ASH1L: variants seen among roughly 807,000 people sequenced by gnomAD.
ASH1L encodes the protein histone-lysine N-methyltransferase ASH1L.
Under a neutral mutation model 269.0 loss-of-function variants are expected in ASH1L, and 23 were observed. The ratio of observed to expected loss-of-function variants is 0.09; its 90% CI spans 0.06 to 0.12. ASH1L has a LOEUF of 0.12. Ranked by LOEUF, ASH1L falls within the 10% of genes least tolerant of loss-of-function variation. The probability of loss-of-function intolerance (pLI) is 1.00; values close to 1 mark genes in which losing one functional copy is unlikely to be tolerated. For synonymous variants in ASH1L, 1,187 were observed against 1,253.5 expected, an observed-to-expected ratio of 0.95 and a Z score of 1.12; for missense variants, 2,912 against 3,567.8, an observed-to-expected ratio of 0.82 and a Z score of 4.68.
chr1:155,522,014 T>C (rs768938849), intron 1 of ASH1L, among the ~76,000 whole-genome samples: 1 of 152,184 alleles, frequency 6.6e-6, no homozygotes, highest in African/African-American at 2.4e-5. Context: ...ACAGTTTTAT[T>C]GAAGGTAAAA....
intron 3 of ASH1L, among the ~76,000 whole-genome samples, chr1:155,471,619 A>C (rs1035503290): frequency 1.3e-5 from 2 of 152,242 alleles, no homozygotes; most frequent in African/African-American, 4.8e-5. Context: ...CCCTTCTTGC[A>C]CCAAACACTG....
At chr1:155,443,945 C>A (rs1165228858) in intron 4 of ASH1L, among the ~76,000 whole-genome samples, 1 of 139,506 alleles carries the variant, frequency 7.2e-6, no homozygotes, top group Non-Finnish European at 1.5e-5. Flanking sequence ...TTTCATTTCT[C>A]TTGGGTGAAT....
At chr1:155,375,626 A>AAAATAC (rs1656365885) in intron 10 of ASH1L, among the ~76,000 whole-genome samples, 1 of 152,100 alleles carries the variant, frequency 6.6e-6, no homozygotes, top group African/African-American at 2.4e-5. Context: ...GTCTCTACTA[A>AAAATAC]AAATACAAAA....
At chr1:155,485,772 C>G (rs1057351581) in intron 2 of ASH1L, among the ~76,000 whole-genome samples, 1 of 152,158 alleles carries the variant, frequency 6.6e-6, no homozygotes, top group African/African-American at 2.4e-5. Flanking sequence ...CACCTCAAGA[C>G]CGTGGTCTCT....
At chr1:155,552,859 T>C (rs542862193) in intron 1 of ASH1L, among the ~76,000 whole-genome samples, 1 of 152,326 alleles carries the variant, frequency 6.6e-6, no homozygotes, top group Non-Finnish European at 1.5e-5. Flanking sequence ...ATATTCTTTT[T>C]TGGAAATGAA....
intron 3 of ASH1L, among the ~76,000 whole-genome samples, chr1:155,474,194 A>G (rs1270531640): frequency 1.3e-5 from 2 of 152,146 alleles, no homozygotes; most frequent in African/African-American, 4.8e-5. Context: ...CTCTGCTTAT[A>G]AAGTTGCACA....
At chr1:155,541,279 A>C (rs186586502) in intron 1 of ASH1L, among the ~76,000 whole-genome samples, 58 of 151,794 alleles carry the variant, frequency 3.8e-4, no homozygotes. Flanking sequence ...ATATAGATAA[A>C]AGAGAATAGG....
Position 155,356,527 on chromosome 1 carries a change from C to T in ASH1L, c.7055+789G>A, listed in dbSNP as rs183987916. ...GCACGTGCCTGTAGTCCCAGCTACT[C>T]GGGAGGCTGAGGCAGGAGAATGGTG... is the stretch of plus-strand genomic sequence containing the variant. On this transcript the variant is annotated intron_variant, in intron 15 of 27. Coordinates refer to ENST00000392403, the MANE Select transcript of ASH1L (RefSeq NM_018489.3). Among the ~76,000 whole-genome samples, 239 of 148,286 alleles carry T rather than the reference C, an allele frequency of 1.6e-3. 1 individual carries two copies. The highest frequency in any genetic ancestry group is 5.8e-3 in the African/African-American group (232 of 40,162).
intron 2 of ASH1L, among the ~76,000 whole-genome samples, chr1:155,496,493 A>T (rs1210738262): frequency 6.6e-6 from 1 of 152,244 alleles, no homozygotes; most frequent in Non-Finnish European, 1.5e-5. Flanking sequence ...ATATGCGTGT[A>T]TGGTAATATA....
intron 5 of ASH1L, among the ~76,000 whole-genome samples, chr1:155,430,966 G>A (rs534442881): frequency 7.6e-4 from 115 of 152,012 alleles, no homozygotes; most frequent in Non-Finnish European, 1.6e-3. Flanking sequence ...TGTAATCCCA[G>A]CACTTTGGGA....
Position 155,481,724 on chromosome 1 carries a change from T to A in ASH1L, c.1146A>T (p.Leu382=). Residue 382 remains leucine (L), a synonymous_variant, in exon 3 of 28, where the codon CTA becomes CTT. Coordinates refer to ENST00000392403, the MANE Select transcript of ASH1L (RefSeq NM_018489.3). The stretch of plus-strand genomic sequence containing the variant: ...TCTTCTTTGCACAGTCCTTGGCCAC[T>A]AGGCCAACAGTAGAACCCAATTTCT... The part of the protein sequence containing the change: ...LGKKLGSTVG[L]VAKDCAKKIV... 6.2e-7 allele frequency: 1 copy of A among 1,614,198 alleles called. No homozygotes were observed. The highest frequency in any genetic ancestry group is 8.5e-7 in the Non-Finnish European group (1 of 1,180,030).
At chr1:155,477,241 A>G (rs531537713) in intron 3 of ASH1L, among the ~76,000 whole-genome samples, 2 of 152,294 alleles carry the variant, frequency 1.3e-5, no homozygotes, top group African/African-American at 4.8e-5. Flanking sequence ...AAGATGTACA[A>G]TTCTTTCTAG....
intron 4 of ASH1L, among the ~76,000 whole-genome samples, chr1:155,441,191 C>A (rs1662527790): frequency 6.6e-6 from 1 of 152,134 alleles, no homozygotes; most frequent in African/African-American, 2.4e-5. Context: ...GTAGTCTAGT[C>A]CCTCTCTGCT....
chr1:155,338,148 T>C lies in ASH1L; in HGVS notation c.8744A>G (p.Gln2915Arg), dbSNP rs746549334. ...TCTPEERRHNQRERLNQILLN... is the reference protein window; with the variant it reads ...TCTPEERRHNRRERLNQILLN... ...CAAGATCTGGTTGAGTCGTTCCCGT[T>C]GGTTATGCCGTCGTTCCTCAGGGGT... Residue 2915 changes from glutamine (Q) to arginine (R), a missense_variant, in exon 27 of 28, where the codon CAA becomes CGA. Gln to Arg is a conservative substitution (Grantham distance 43, BLOSUM62 1). Coordinates refer to ENST00000392403, the MANE Select transcript of ASH1L (RefSeq NM_018489.3). 1.2e-6 allele frequency: 2 copies of C among 1,614,168 alleles called. No individual in the cohort carries two copies. The highest frequency in any genetic ancestry group is 1.1e-5 in the South Asian group (1 of 91,080).
intron 12 of ASH1L, among the ~76,000 whole-genome samples, chr1:155,361,856 G>C (rs1034584319): frequency 3.0e-5 from 4 of 134,722 alleles, no homozygotes; most frequent in African/African-American, 8.5e-5. Flanking sequence ...CTAGGCAACA[G>C]AGCGAGACTC....
intron 2 of ASH1L, chr1:155,520,359 CAAAAA>C (rs57127431): frequency 3.3e-4 from 8 of 24,244 alleles, no homozygotes; most frequent in African/African-American, 6.8e-4. Context: ...GACTCCATCT[CAAAAA>C]AAAAAAAAAA....
Position 155,337,939 on chromosome 1 carries a change from T to G in ASH1L, c.8803+150A>C, listed in dbSNP as rs551840522. 2.3e-5 allele frequency: 23 copies of G among 1,020,448 alleles called. 1 individual carries two copies. The East Asian group carries it at 3.1e-4, about 14-fold the overall frequency. 63.2% of individuals were successfully genotyped at this position (1,020,448 alleles called of 1,614,324 possible). On this transcript the variant is annotated intron_variant, in intron 27 of 27. Transcript: ENST00000392403. The stretch of plus-strand genomic sequence containing the variant: ...AGATCATCTCACCTTCCAGTTTCAC[T>G]ACCAAGATACAACTAAAAGCAAGCC...
At chr1:155,339,429 C>A in intron 25 of ASH1L, 61 bp from the exon 26 acceptor site, 1 of 1,515,390 alleles carries the variant, frequency 6.6e-7, no homozygotes, top group South Asian at 1.1e-5. Flanking sequence ...TAGCTCTTCT[C>A]TGGGGCCAGT....
chr1:155,480,697 T>C lies in ASH1L; in HGVS notation c.2173A>G (p.Arg725Gly), dbSNP rs765574300. ...RKPRWTKVVA[R>G]STCRSPKGLE... Reference sequence around the variant, plus strand: ...CCTTTTGGAGACCGGCATGTGCTTCTTGCCACCACTTTAGTCCACCGAGGT... The same window carrying C: ...CCTTTTGGAGACCGGCATGTGCTTCCTGCCACCACTTTAGTCCACCGAGGT... The change falls in exon 3 of 28, where the codon AGA becomes GGA. Residue 725 changes from arginine (R) to glycine (G), a missense_variant. Coordinates refer to ENST00000392403, the MANE Select transcript of ASH1L (RefSeq NM_018489.3). 8 of 1,613,834 alleles carry C rather than the reference T, an allele frequency of 5.0e-6. No individual in the cohort carries two copies. The highest frequency in any genetic ancestry group is 6.8e-6 in the Non-Finnish European group (8 of 1,179,978).
Sources: allele counts gnomAD v4.1 joint callset (sites outside exome capture counted in the v4.1 genomes callset), GRCh38; gene constraint gnomAD v4.1.1; transcripts MANE v1.5; gene names NCBI Gene and HGNC (gene_info 2026-07-23, HGNC 2026-07-21).